The following ZNF425 variants were observed in gnomAD, a reference collection of about 807,000 sequenced individuals.
ZNF425 encodes the protein zinc finger protein 425.
A neutral mutation model predicts 17.0 loss-of-function variants in ZNF425; 21 were observed. The observed-to-expected ratio is 1.23, with a 90% CI of 0.88 to 1.78. The LOEUF (loss-of-function observed/expected upper bound fraction) is 1.78. ZNF425 is among the 40% of genes most tolerant of loss of function. The pLI, the probability that ZNF425 is intolerant of heterozygous loss-of-function variation, is 0.00. For synonymous variants in ZNF425, 433 were observed against 384.1 expected (o/e 1.13, Z -1.49); for missense variants, 868 against 967.3 (o/e 0.90, Z 1.36).
In ZNF425 at chr7:149,103,283, C is replaced by T; in HGVS notation, c.*329G>A. Reference sequence around the variant, plus strand: ...CCAGGCTGGAGTGCAGTGGTGTGAGCATGGCTCACTGCAGCCTCTGCCTCC... The same window carrying T: ...CCAGGCTGGAGTGCAGTGGTGTGAGTATGGCTCACTGCAGCCTCTGCCTCC... On this transcript the variant is annotated 3_prime_UTR_variant, in exon 4 of 4. Coordinates refer to ENST00000378061, the MANE Select transcript of ZNF425 (RefSeq NM_001001661.3). 1 of 271,462 alleles carries T rather than the reference C, an allele frequency of 3.7e-6. No individual in the cohort carries two copies. The allele number at this position is 271,462 out of a possible 1,614,324, so 16.8% of individuals were successfully genotyped here.
At chr7:149,122,664 T>C (rs1056277954) in intron 1 of ZNF425, among the ~76,000 whole-genome samples, 2 of 152,136 alleles carry the variant, frequency 1.3e-5, no homozygotes, top group African/African-American at 4.8e-5. Context: ...GTTTTGTAGC[T>C]GTGTTTTACA....
At chr7:149,114,197 T>C (rs116082647) in intron 2 of ZNF425, among the ~76,000 whole-genome samples, 6,659 of 150,052 alleles carry the variant, frequency 0.044, 503 homozygotes, top group African/African-American at 0.15. Context: ...TAGGTGGGAC[T>C]ACAGGGGTGC....
rs551956879 is a variant in ZNF425, at chr7:149,126,148, G to A, written c.18+48C>T. 3.1e-6 allele frequency: 5 copies of A among 1,612,686 alleles called. No individual in the cohort carries two copies. The East Asian group carries it at 8.9e-5, about 29-fold the overall frequency. ...CGCGGACCCCAATCCAGCTGCGACA[G>A]GGACCCGAGTTTCGACAGAGCCTGC... On this transcript the variant is annotated intron_variant, in intron 1 of 3. Transcript: ENST00000378061.
rs771331854 is a variant in ZNF425 at position 149,104,979 on chromosome 7, C to G, written c.892G>C (p.Gly298Arg). The change falls in exon 4 of 4, where the codon GGG becomes CGG. Residue 298 changes from glycine (G) to arginine (R), a missense_variant. Transcript: ENST00000378061. This position sits in a 1 kb window ranked among gnomAD's most constrained non-coding sequence, Gnocchi z 4.3. ...TCCCCGCAGCAGAACGGCCGCTCCC[C>G]GCGGTGTAGACACAGGTGCTTCTTC... ...NLKKHLCLHRGERPFCCGECG... is the reference protein window; with the variant it reads ...NLKKHLCLHRRERPFCCGECG... The G allele has an allele frequency of 4.3e-6, 7 of 1,614,070 alleles. No individual in the cohort carries two copies. The Admixed American group carries it at 6.7e-5, about 15-fold the overall frequency.
chr7:149,105,570 G>A lies in ZNF425; in HGVS notation c.305-4C>T, dbSNP rs745427760. ...GTCCTGGGAGTTCCTTCGTCATCTG[G>A]AGCAGAAAGAAGTATCACTCTCATC... On this transcript the variant is annotated splice_region_variant and splice_polypyrimidine_tract_variant and intron_variant, in intron 3 of 3. Transcript: ENST00000378061. 2.0e-6 allele frequency: 3 copies of A among 1,504,874 alleles called. No homozygotes were observed. The highest frequency in any genetic ancestry group is 2.7e-6 in the Non-Finnish European group (3 of 1,131,816). The allele number at this position is 1,504,874 out of a possible 1,614,324, so 93.2% of individuals were successfully genotyped here. A position where few individuals can be genotyped will look rare whatever the true frequency, so the allele number is the denominator to read the frequency against.
In ZNF425 at chr7:149,106,112, G is replaced by A. The variant is rs1237287074; in HGVS notation, c.305-546C>T. ...TGGGATTACAGGCACCCACCACCACGCCTGGCTAATTTTTGTATTTTTAAT... is the reference window on the plus strand; with the variant it reads ...TGGGATTACAGGCACCCACCACCACACCTGGCTAATTTTTGTATTTTTAAT... On this transcript the variant is annotated intron_variant, in intron 3 of 3. Transcript: ENST00000378061. Among the ~76,000 whole-genome samples, 13 of 149,850 alleles carry A rather than the reference G, an allele frequency of 8.7e-5. No homozygotes were observed. The South Asian group carries it at 2.7e-3, about 32-fold the overall frequency.
In ZNF425 at chr7:149,104,590, T is replaced by A; in HGVS notation, c.1281A>T (p.Arg427Ser). Residue 427 changes from arginine (R) to serine (S), a missense_variant, in exon 4 of 4, where the codon AGA becomes AGT. Transcript: ENST00000378061. This position sits in a 1 kb window ranked among gnomAD's most constrained non-coding sequence, Gnocchi z 4.3. ...PECNKSFRLK[R>S]SLKAHGLQHI... is the part of the protein sequence containing the mutation. ...GCTGCAGCCCGTGGGCTTTCAGGCT[T>A]CTCTTGAGGCGGAAACTTTTGTTAC... 3 of 1,613,776 alleles carry A rather than the reference T, an allele frequency of 1.9e-6. No individual in the cohort carries two copies. Among genetic ancestry groups the A allele is most frequent in the Non-Finnish European group, 2.5e-6 (3 of 1,179,904 alleles).
intron 1 of ZNF425, among the ~76,000 whole-genome samples, chr7:149,121,486 G>A (rs1387176330): frequency 1.3e-5 from 2 of 151,750 alleles, no homozygotes; most frequent in East Asian, 3.9e-4. Flanking sequence ...CCGCCTCCCG[G>A]GATCAAGTGA....
chr7:149,124,868 C>G (rs1339350279), intron 1 of ZNF425, among the ~76,000 whole-genome samples: 1 of 152,218 alleles, frequency 6.6e-6, no homozygotes, highest in Non-Finnish European at 1.5e-5. Flanking sequence ...CTATAAAATT[C>G]CCATTTATGA....
Position 149,109,884 on chromosome 7 carries a change from T to TTC in ZNF425, c.304+2252_304+2253insGA, listed in dbSNP as rs796300143. Among the ~76,000 whole-genome samples, 80 of 151,214 alleles carry TTC rather than the reference T, an allele frequency of 5.3e-4. 1 individual carries two copies. Among genetic ancestry groups the TTC allele is most frequent in the African/African-American group, 1.8e-3 (76 of 41,254 alleles). ...TCTTTATTTATTTTCTTTTTCTTTT[T>TTC]TTTTTTTTTGGAGACAGAGTCTCGC... On this transcript the variant is annotated intron_variant, in intron 3 of 3. Transcript: ENST00000378061.
chr7:149,120,878 A>G (rs1337416357), intron 1 of ZNF425, among the ~76,000 whole-genome samples: 1 of 152,146 alleles, frequency 6.6e-6, no homozygotes, highest in Non-Finnish European at 1.5e-5. Context: ...ACCTACTGAG[A>G]AATATTTTGG....
intron 1 of ZNF425, among the ~76,000 whole-genome samples, chr7:149,120,246 G>A (rs1432990179): frequency 6.6e-6 from 1 of 152,146 alleles, no homozygotes; most frequent in African/African-American, 2.4e-5. Context: ...GCCGGGCATT[G>A]TGGCACATGC....
intron 2 of ZNF425, among the ~76,000 whole-genome samples, chr7:149,112,589 C>T (rs774064567): frequency 2.6e-5 from 4 of 152,144 alleles, no homozygotes; most frequent in Non-Finnish European, 4.4e-5. Context: ...GTAGAGATCG[C>T]GCCTCTGCAC....
At position 149,104,059 on chromosome 7, in the gene ZNF425, G is replaced by A. The variant is rs777160749; in HGVS notation, c.1812C>T (p.His604=). The change falls in exon 4 of 4, where the codon CAC becomes CAT. Residue 604 remains histidine, a synonymous_variant. Coordinates refer to ENST00000378061, the MANE Select transcript of ZNF425 (RefSeq NM_001001661.3). This position sits in a 1 kb window ranked among gnomAD's most constrained non-coding sequence, Gnocchi z 4.3. ...GACACTGGTAGGGCTTCTCTCCACT[G>A]TGCAGCCTCAGGTGCTCGGTGAGCT... ...QSQLTEHLRL[H]SGEKPYQCPE... is the part of the protein sequence containing the mutation. 3.7e-6 allele frequency: 6 copies of A among 1,613,548 alleles called. No homozygotes were observed. The highest frequency in any genetic ancestry group is 5.1e-6 in the Non-Finnish European group (6 of 1,179,996).
At chr7:149,124,217 G>C (rs1423951145) in intron 1 of ZNF425, among the ~76,000 whole-genome samples, 1 of 147,372 alleles carries the variant, frequency 6.8e-6, no homozygotes, top group Non-Finnish European at 1.5e-5. Context: ...GTGCAGTGGC[G>C]TGATCTTGGC....
chr7:149,118,502 C>T (rs950084976), intron 1 of ZNF425, among the ~76,000 whole-genome samples, 154 bp from the exon 2 acceptor site: 2 of 152,170 alleles, frequency 1.3e-5, no homozygotes, highest in African/African-American at 4.8e-5. Context: ...TCACAAATAT[C>T]CACTGGAGCC....
intron 3 of ZNF425, among the ~76,000 whole-genome samples, chr7:149,105,948 A>C (rs753180232): frequency 2.5e-5 from 3 of 118,280 alleles, no homozygotes; most frequent in African/African-American, 6.5e-5. Flanking sequence ...TTTAAAAAAA[A>C]TTTTTTTCCT....
Position 149,103,864 on chromosome 7 carries a change from C to T in ZNF425, c.2007G>A (p.Pro669=), listed in dbSNP as rs746281267. 1.1e-5 allele frequency: 17 copies of T among 1,613,436 alleles called. No homozygotes were observed. The highest frequency in any genetic ancestry group is 3.3e-5 in the South Asian group (3 of 91,068). ...VHSGEKPFQC[P]ECDKSYCIRG... is the part of the protein sequence containing the mutation. ...TGATGCAGTAGCTCTTGTCACACTC[C>T]GGACACTGGAAGGGCTTCTCCCCGC... Residue 669 remains proline (P), a synonymous_variant, in exon 4 of 4, where the codon CCG becomes CCA. Coordinates refer to ENST00000378061, the MANE Select transcript of ZNF425 (RefSeq NM_001001661.3).
intron 3 of ZNF425, among the ~76,000 whole-genome samples, chr7:149,111,014 C>T (rs1299497530): frequency 5.3e-5 from 8 of 151,694 alleles, no homozygotes; most frequent in Admixed American, 3.9e-4. Flanking sequence ...AGGCTGGTCT[C>T]GAACCCCTGA....
Sources: gnomAD v4.1 joint callset for allele counts (sites outside exome capture counted in the v4.1 genomes callset) on GRCh38, gnomAD v4.1.1 for gene constraint, Gnocchi (gnomAD v3.1) non-coding constraint, MANE v1.5 for transcripts, NCBI Gene and HGNC (gene_info 2026-07-23, HGNC 2026-07-21) for gene names.